ITGA1: variants seen among roughly 807,000 people sequenced by gnomAD.
ITGA1 encodes the protein integrin subunit alpha 1.
A neutral mutation model predicts 145.9 loss-of-function variants in ITGA1; 85 were observed. The observed-to-expected ratio is 0.58, with a 90% CI of 0.49 to 0.70. The LOEUF is 0.70. Among genes scored for constraint, ITGA1 ranks in the 30% least tolerant of loss-of-function variants. The pLI is 0.00. For missense variants in ITGA1, 1,351 were observed against 1,418.7 expected (o/e 0.95, Z 0.77); for synonymous variants, 520 against 495.3 (o/e 1.05, Z -0.66).
chr5:52,932,143 G>GA lies in ITGA1; in HGVS notation c.2861+11dup, dbSNP rs766570506. On this transcript the variant is annotated splice_region_variant and intron_variant, in intron 22 of 28. Transcript: ENST00000282588. ...TTGGACTACAGTTTTACAGGTAGGA[G>GA]AAAACTACATTTTTATGTGGATGCC... 3 of 1,534,666 alleles carry GA rather than the reference G, an allele frequency of 2.0e-6. No individual in the cohort carries two copies. In the East Asian group the frequency reaches 6.7e-5, roughly 35 times the overall value.
rs990650745 is a variant in ITGA1, at chr5:52,915,545, G to C, written c.1939G>C (p.Gly647Arg). The change falls in exon 15 of 29, where the codon GGT (glycine) becomes CGT (arginine). Residue 647 changes from glycine (G) to arginine (R), a missense_variant. Coordinates refer to ENST00000282588, the MANE Select transcript of ITGA1 (RefSeq NM_181501.2). The part of the protein sequence containing the change: ...IHGEMDLNGD[G>R]LTDVTIGGLG... Reference sequence around the variant, plus strand: ...CGGAGAAATGGATTTAAATGGTGACGGTCTGACAGATGTGACTATTGGGGG... The same window carrying C: ...CGGAGAAATGGATTTAAATGGTGACCGTCTGACAGATGTGACTATTGGGGG... 3.7e-6 allele frequency: 6 copies of C among 1,614,006 alleles called. No homozygotes were observed. The highest frequency in any genetic ancestry group is 3.4e-6 in the Non-Finnish European group (4 of 1,179,960).
intron 11 of ITGA1, among the ~76,000 whole-genome samples, chr5:52,900,375 T>TA (rs956376247): frequency 1.3e-5 from 2 of 152,114 alleles, no homozygotes; most frequent in Admixed American, 6.5e-5. Flanking sequence ...TACAGAGCTA[T>TA]AAAAAATGTT....
rs189359031 is a variant in ITGA1 at position 52,879,771 on chromosome 5, G to T, written c.625-2102G>T. Among the ~76,000 whole-genome samples, 8 of 152,126 alleles carry T rather than the reference G, an allele frequency of 5.3e-5. No individual in the cohort carries two copies. In the East Asian group the frequency reaches 1.4e-3, roughly 26 times the overall value. On this transcript the variant is annotated intron_variant, in intron 6 of 28. Coordinates refer to ENST00000282588, the MANE Select transcript of ITGA1 (RefSeq NM_181501.2). ...CAAATATAGTAGCTCTCTCAGAATA[G>T]GTGGTAAAGGATATTGGGTGAAAGA...
chr5:52,789,995 T>C (rs916233421), intron 1 of ITGA1, among the ~76,000 whole-genome samples: 1 of 152,222 alleles, frequency 6.6e-6, no homozygotes, highest in South Asian at 2.1e-4. Flanking sequence ...ACTATATTTA[T>C]GCCCATTTCG....
intron 15 of ITGA1, 60 bp from the exon 16 acceptor site, chr5:52,918,672 A>G: frequency 6.5e-7 from 1 of 1,547,322 alleles, no homozygotes. Context: ...TGCACTCCCA[A>G]GTTGATGACA....
At chr5:52,861,344 A>T (rs1227943669) in intron 2 of ITGA1, 103 bp from the exon 3 acceptor site, 1 of 700,006 alleles carries the variant, frequency 1.4e-6, no homozygotes, top group Non-Finnish European at 2.5e-6. Context: ...TTATTATCTG[A>T]TTATGAGTGT....
At chr5:52,866,216 A>G (rs992750359) in intron 6 of ITGA1, among the ~76,000 whole-genome samples, 2 of 152,198 alleles carry the variant, frequency 1.3e-5, no homozygotes, top group South Asian at 4.1e-4. Flanking sequence ...GGGTTTCATC[A>G]TGTTGGCCAG....
intron 1 of ITGA1, among the ~76,000 whole-genome samples, chr5:52,832,060 T>C (rs1749079878): frequency 2.0e-5 from 3 of 152,146 alleles, no homozygotes; most frequent in South Asian, 4.1e-4. Flanking sequence ...ATTACTGGAC[T>C]ACCCAATCTC....
intron 13 of ITGA1, 131 bp downstream of exon 13, chr5:52,909,172 AC>A (rs1190924635): frequency 3.9e-5 from 33 of 851,646 alleles, no homozygotes; most frequent in African/African-American, 3.8e-4. Context: ...CATTCACTCC[AC>A]CAACCCCTCA....
In ITGA1 at chr5:52,814,745, G is replaced by A. The variant is rs78398833; in HGVS notation, c.61+26331G>A. On this transcript the variant is annotated intron_variant, in intron 1 of 28. Coordinates refer to ENST00000282588, the MANE Select transcript of ITGA1 (RefSeq NM_181501.2). ...GAGAGGTATTAAAAAAAAAGGGGGG[G>A]AAAGAAAAAGAATCAGTCCAATTGG... 6.7e-3 allele frequency among the ~76,000 whole-genome samples: 1,014 copies of A among 151,856 alleles called. 12 individuals carry two copies. The highest frequency in any genetic ancestry group is 0.023 in the African/African-American group (965 of 41,388).
At chr5:52,820,635 A>G (rs1275424092) in intron 1 of ITGA1, among the ~76,000 whole-genome samples, 1 of 152,108 alleles carries the variant, frequency 6.6e-6, no homozygotes, top group Non-Finnish European at 1.5e-5. Flanking sequence ...ACCAGCCCAC[A>G]TGGCTTCCAC....
chr5:52,907,326 G>C (rs1253897128), intron 12 of ITGA1, among the ~76,000 whole-genome samples: 1 of 152,156 alleles, frequency 6.6e-6, no homozygotes, highest in East Asian at 1.9e-4. Flanking sequence ...GATGTCAGCA[G>C]TAAAAATGGA....
intron 14 of ITGA1, among the ~76,000 whole-genome samples, chr5:52,912,562 TA>T (rs2111858766): frequency 7.4e-6 from 1 of 135,282 alleles, no homozygotes; most frequent in Admixed American, 7.5e-5. Flanking sequence ...GTATCCACTA[TA>T]GGTATTATAT....
chr5:52,840,589 G>A (rs1474307853), intron 1 of ITGA1, among the ~76,000 whole-genome samples: 1 of 152,202 alleles, frequency 6.6e-6, no homozygotes, highest in East Asian at 1.9e-4. Flanking sequence ...AGGTCTGAGA[G>A]GAGCTGGCAA....
chr5:52,882,789 A>G (rs1749980130), intron 7 of ITGA1: 1 of 152,190 alleles, frequency 6.6e-6, no homozygotes, highest in Non-Finnish European at 1.5e-5. Context: ...ATTCAAAACA[A>G]TACAAAAATC....
intron 11 of ITGA1, chr5:52,904,271 G>A (rs1279332414): frequency 6.6e-6 from 1 of 152,184 alleles, no homozygotes; most frequent in Non-Finnish European, 1.5e-5. Context: ...CTAGGTGGGC[G>A]AAGCACCCAA....
intron 6 of ITGA1, among the ~76,000 whole-genome samples, chr5:52,880,462 A>G (rs1039971664): frequency 3.9e-5 from 6 of 152,234 alleles, no homozygotes; most frequent in African/African-American, 1.4e-4. Context: ...GTTTCTAAAA[A>G]CACACCAGAA....
At chr5:52,940,084 C>G in intron 26 of ITGA1, 140 bp downstream of exon 26, 1 of 646,218 alleles carries the variant, frequency 1.5e-6, no homozygotes, top group Non-Finnish European at 2.8e-6. Context: ...CAAGCCCCAG[C>G]TCTACTTAAC....
Position 52,927,677 on chromosome 5 carries a change from T to C in ITGA1, c.2694+13T>C, listed in dbSNP as rs563033918. 5.3e-6 allele frequency: 8 copies of C among 1,499,572 alleles called. No individual in the cohort carries two copies. The highest frequency in any genetic ancestry group is 4.1e-5 in the African/African-American group (3 of 72,670). 92.9% of individuals were successfully genotyped at this position (1,499,572 alleles called of 1,614,324 possible). Reference sequence around the variant, plus strand: ...AAGAGGAGAGATGGTGAGCAGATCATACAAAATACATGTAGAAATTGAATA... The same window carrying C: ...AAGAGGAGAGATGGTGAGCAGATCACACAAAATACATGTAGAAATTGAATA... On this transcript the variant is annotated intron_variant, in intron 20 of 28. Coordinates refer to ENST00000282588, the MANE Select transcript of ITGA1 (RefSeq NM_181501.2).
Sources: allele counts gnomAD v4.1 joint callset (sites outside exome capture counted in the v4.1 genomes callset), GRCh38; gene constraint gnomAD v4.1.1; transcripts MANE v1.5; gene names NCBI Gene and HGNC (gene_info 2026-07-23, HGNC 2026-07-21).